The following CNTLN variants were observed in gnomAD, a reference collection of about 807,000 sequenced individuals.
CNTLN encodes centlein.
Under a neutral mutation model 180.0 loss-of-function variants are expected in CNTLN, and 212 were observed. That is an observed-to-expected ratio of 1.18 (90% CI 1.05 to 1.32). The LOEUF (loss-of-function observed/expected upper bound fraction) is 1.32, where lower values mean the gene tolerates loss of function less well. CNTLN is among the 40% of genes most tolerant of loss of function. The probability of loss-of-function intolerance (pLI) is 0.00; values close to 1 mark genes in which losing one functional copy is unlikely to be tolerated. For synonymous variants in CNTLN, 722 were observed against 563.1 expected (o/e 1.28, Z -3.99); for missense variants, 2,095 against 1,610.9 (o/e 1.30, Z -5.14).
intron 7 of CNTLN, among the ~76,000 whole-genome samples, chr9:17,302,505 A>T (rs1200179915): frequency 6.6e-6 from 1 of 151,988 alleles, no homozygotes; most frequent in South Asian, 2.1e-4. Context: ...GGCCCAATTC[A>T]CTTTTAATTA....
At chr9:17,300,760 A>G (rs1028179629) in intron 7 of CNTLN, 4 of 156,894 alleles carry the variant, frequency 2.5e-5, no homozygotes, top group African/African-American at 9.6e-5. Flanking sequence ...TTCCGACTCT[A>G]CATTACCTCT....
At chr9:17,527,683 T>G in the CNTLN span, among the ~76,000 whole-genome samples, 1 of 151,782 alleles carries the variant, frequency 6.6e-6, no homozygotes, top group East Asian at 1.9e-4. Context: ...GGCACTGGAG[T>G]AGCAACAAGC....
chr9:17,435,324 A>G (rs964625248), intron 18 of CNTLN, among the ~76,000 whole-genome samples: 1 of 152,300 alleles, frequency 6.6e-6, no homozygotes, highest in East Asian at 1.9e-4. Flanking sequence ...TACTGTTCCA[A>G]TAATGCTTTC....
downstream of CNTLN, among the ~76,000 whole-genome samples, chr9:17,508,199 T>C (rs1307460859): frequency 6.6e-6 from 1 of 152,202 alleles, no homozygotes; most frequent in African/African-American, 2.4e-5. Context: ...AAGAAAAGCA[T>C]AGTCAAGACA....
chr9:17,251,198 T>C (rs1254016382), intron 5 of CNTLN, among the ~76,000 whole-genome samples: 1 of 152,038 alleles, frequency 6.6e-6, no homozygotes, highest in Non-Finnish European at 1.5e-5. Context: ...AGGCTGAATT[T>C]CAAGAGTTTG....
At chr9:17,337,099 A>G (rs1478699259) in intron 10 of CNTLN, among the ~76,000 whole-genome samples, 2 of 152,158 alleles carry the variant, frequency 1.3e-5, no homozygotes, top group Admixed American at 1.3e-4. Flanking sequence ...TGGCTACATA[A>G]ACGTGTTCTT....
At position 17,278,148 on chromosome 9, in the gene CNTLN, C is replaced by T. The variant is rs79689834; in HGVS notation, c.983+4282C>T. On this transcript the variant is annotated intron_variant, in intron 6 of 25. Transcript: ENST00000380647. ...CTCTTTCTCCTTTACCCTGGAATCA[C>T]CAGCTAGTGCCTCCAACTGATGAAA... 9.1e-3 allele frequency among the ~76,000 whole-genome samples: 1,380 copies of T among 152,164 alleles called. 5 individuals are homozygous for T. The highest frequency in any genetic ancestry group is 0.014 in the Non-Finnish European group (964 of 67,990).
intron 11 of CNTLN, among the ~76,000 whole-genome samples, chr9:17,341,270 A>G (rs1333342722): frequency 6.6e-6 from 1 of 152,184 alleles, no homozygotes; most frequent in Non-Finnish European, 1.5e-5. Context: ...TGATTGAAAA[A>G]CTTGCTTTTA....
intron 18 of CNTLN, among the ~76,000 whole-genome samples, chr9:17,445,774 A>G (rs1830375566): frequency 6.6e-6 from 1 of 152,062 alleles, no homozygotes; most frequent in Non-Finnish European, 1.5e-5. Context: ...CCAGCCCGAC[A>G]CCCGTAAAGG....
At chr9:17,451,586 G>A (rs1254705388) in intron 18 of CNTLN, among the ~76,000 whole-genome samples, 1 of 152,114 alleles carries the variant, frequency 6.6e-6, no homozygotes, top group Non-Finnish European at 1.5e-5. Flanking sequence ...TGGGAACTAA[G>A]CCTCACTTTT....
rs535617796 is a variant in CNTLN at position 17,483,640 on chromosome 9, G to A, written c.3856-655G>A. On this transcript the variant is annotated intron_variant, in intron 23 of 25. Transcript: ENST00000380647. ...AGGAGTAACTTTTTGTTACCCACAC[G>A]TAGGTGTGGTATGGGCTAGCTTTTA... 3.7e-4 allele frequency among the ~76,000 whole-genome samples: 57 copies of A among 152,286 alleles called. No individual in the cohort carries two copies. In the South Asian group the frequency reaches 0.01, roughly 28 times the overall value.
chr9:17,474,639 T>C (rs1198700951), intron 23 of CNTLN, among the ~76,000 whole-genome samples: 4 of 151,954 alleles, frequency 2.6e-5, no homozygotes, highest in African/African-American at 7.3e-5. Context: ...GAGGCCGAGG[T>C]GGGTGGATCA....
At chr9:17,466,295 T>C (rs1021459542) in intron 22 of CNTLN, among the ~76,000 whole-genome samples, 177 bp downstream of exon 22, 1 of 151,472 alleles carries the variant, frequency 6.6e-6, no homozygotes, top group African/African-American at 2.4e-5. Context: ...ACATTAAAGA[T>C]ATTTCTGTAT....
At chr9:17,488,270 G>GT in intron 25 of CNTLN, among the ~76,000 whole-genome samples, 1 of 152,092 alleles carries the variant, frequency 6.6e-6, no homozygotes, top group Non-Finnish European at 1.5e-5. Flanking sequence ...GCTGAAAGTT[G>GT]TTTAAGTGTA....
chr9:17,168,697 T>G (rs1206484360), intron 2 of CNTLN: 1 of 152,252 alleles, frequency 6.6e-6, no homozygotes, highest in Non-Finnish European at 1.5e-5. Flanking sequence ...TAGCAACATT[T>G]ATTAACCACA....
chr9:17,304,836 G>A (rs1047669063), intron 7 of CNTLN, among the ~76,000 whole-genome samples: 4 of 152,062 alleles, frequency 2.6e-5, no homozygotes, highest in African/African-American at 9.7e-5. Context: ...ATGGTTTAAA[G>A]TATACAGGAG....
At chr9:17,250,086 G>A (rs565367363) in intron 5 of CNTLN, among the ~76,000 whole-genome samples, 1 of 151,186 alleles carries the variant, frequency 6.6e-6, no homozygotes, top group East Asian at 2.0e-4. Flanking sequence ...GTTTATTATT[G>A]TTATAACTTC....
rs370985441 is a variant in CNTLN, at chr9:17,311,743, A to G, written c.1341+2491A>G. Among the ~76,000 whole-genome samples the G allele has an allele frequency of 2.3e-4, 35 of 152,198 alleles. 2 individuals carry two copies. In the South Asian group the frequency reaches 2.5e-3, roughly 11 times the overall value. ...AGAATTGCTCCAACGTGGGAGGCGG[A>G]GGTTGCAGTGAGCCAAGATTGCGCC... On this transcript the variant is annotated intron_variant, in intron 8 of 25. Transcript: ENST00000380647.
At chr9:17,514,705 A>G in the CNTLN span, among the ~76,000 whole-genome samples, 1 of 152,220 alleles carries the variant, frequency 6.6e-6, no homozygotes, top group Admixed American at 6.5e-5. Context: ...CCCGGCCTAG[A>G]TCAGCTGACT....
Sources: gnomAD v4.1 joint callset for allele counts (sites outside exome capture counted in the v4.1 genomes callset) on GRCh38, gnomAD v4.1.1 for gene constraint, MANE v1.5 for transcripts, NCBI Gene and HGNC (gene_info 2026-07-23, HGNC 2026-07-21) for gene names.